Variants in GTF3C1 observed in about 807,000 individuals in gnomAD.
The protein encoded by GTF3C1 is general transcription factor 3C polypeptide 1.
In GTF3C1, 57 loss-of-function variants were observed where a neutral mutation model predicts 226.7. The observed-to-expected ratio is 0.25, with a 90% CI of 0.20 to 0.31. The LOEUF (loss-of-function observed/expected upper bound fraction) is 0.31, where lower values mean the gene tolerates loss of function less well. Ranked by LOEUF, GTF3C1 falls within the 10% of genes least tolerant of loss-of-function variation. GTF3C1 has a pLI of 1.00. For missense variants in GTF3C1, 2,217 were observed against 2,776.1 expected (o/e 0.80, Z 4.53); for synonymous variants, 1,090 against 1,084.8 (o/e 1.00, Z -0.09).
intron 28 of GTF3C1, among the ~76,000 whole-genome samples, chr16:27,477,668 A>G (rs1221557069): frequency 6.6e-6 from 1 of 152,238 alleles, no homozygotes; most frequent in Non-Finnish European, 1.5e-5. Context: ...AGTATATAAC[A>G]TATGTAAGAT....
intron 6 of GTF3C1, among the ~76,000 whole-genome samples, chr16:27,517,192 C>G (rs991137913): frequency 6.6e-6 from 1 of 152,156 alleles, no homozygotes; most frequent in Admixed American, 6.5e-5. Context: ...CCTTGTGATT[C>G]CAAGGGACCA....
Position 27,486,071 on chromosome 16 carries a change from G to T in GTF3C1, c.3784C>A (p.Arg1262Ser). 6.2e-7 allele frequency: 1 copy of T among 1,610,442 alleles called. No homozygotes were observed. The highest frequency in any genetic ancestry group is 8.5e-7 in the Non-Finnish European group (1 of 1,176,778). ...QSALQRMTRLRVTWSMQEDGL... is the reference protein window; with the variant it reads ...QSALQRMTRLSVTWSMQEDGL... ...TCCTCCTGCATAGACCAGGTGACAC[G>T]AAGCCGCGTCATCCGCTGCAGGGCA... Residue 1262 changes from arginine (R) to serine (S), a missense_variant, in exon 24 of 37, where the codon CGT (arginine) becomes AGT (serine). This residue lies in a region of GTF3C1 where 546 missense variants were observed against 663.0 expected (regional missense o/e 0.82). Transcript: ENST00000356183.
intron 14 of GTF3C1, among the ~76,000 whole-genome samples, chr16:27,496,625 C>T (rs762417249): frequency 2.0e-5 from 3 of 152,172 alleles, no homozygotes; most frequent in Admixed American, 2.0e-4. Context: ...AGAATGGTCT[C>T]GATCTCCTGA....
At position 27,495,201 on chromosome 16, in the gene GTF3C1, G is replaced by A. The variant is rs916654366; in HGVS notation, c.2632+10C>T. Reference sequence around the variant, plus strand: ...CCGCCCCAGGTGCAGGAGTGGCAGGGGCCTCTCACCTGTCTCCGTGGCAAG... The same window carrying A: ...CCGCCCCAGGTGCAGGAGTGGCAGGAGCCTCTCACCTGTCTCCGTGGCAAG... On this transcript the variant is annotated intron_variant, in intron 15 of 36. Transcript: ENST00000356183. 1.9e-6 allele frequency: 3 copies of A among 1,597,494 alleles called. No individual in the cohort carries two copies. Among genetic ancestry groups the A allele is most frequent in the Non-Finnish European group, 2.6e-6 (3 of 1,167,452 alleles).
chr16:27,493,713 T>A (rs1217311909), intron 16 of GTF3C1, among the ~76,000 whole-genome samples: 1 of 152,198 alleles, frequency 6.6e-6, no homozygotes, highest in East Asian at 1.9e-4. Flanking sequence ...CCAAAAGGTA[T>A]TCATCAACAT....
At chr16:27,514,306 C>T (rs998622214) in intron 6 of GTF3C1, among the ~76,000 whole-genome samples, 2 of 152,202 alleles carry the variant, frequency 1.3e-5, no homozygotes, top group Non-Finnish European at 2.9e-5. Context: ...AGGCCCCTGC[C>T]CTGCCCTCTC....
At chr16:27,538,748 A>G (rs973874145) in intron 2 of GTF3C1, among the ~76,000 whole-genome samples, 3 of 152,054 alleles carry the variant, frequency 2.0e-5, no homozygotes, top group African/African-American at 7.2e-5. Flanking sequence ...TCCTGTTCCT[A>G]AGACAAGCCT....
chr16:27,534,294 C>G (rs571288836), intron 4 of GTF3C1, among the ~76,000 whole-genome samples: 1 of 152,184 alleles, frequency 6.6e-6, no homozygotes, highest in Non-Finnish European at 1.5e-5. Context: ...ACATTGAGGG[C>G]CCTTGACTGT....
In GTF3C1 at chr16:27,469,520, G is replaced by A. The variant is rs1187875615; in HGVS notation, c.4845C>T (p.Asp1615=). 21 of 1,612,624 alleles carry A rather than the reference G, an allele frequency of 1.3e-5. No individual in the cohort carries two copies. Among genetic ancestry groups the A allele is most frequent in the Non-Finnish European group, 1.8e-5 (21 of 1,178,738 alleles). The change falls in exon 32 of 37, where the codon GAC becomes GAT. Residue 1615 remains aspartate (D), a synonymous_variant. Coordinates refer to ENST00000356183, the MANE Select transcript of GTF3C1 (RefSeq NM_001520.4). This position sits in a 1 kb window ranked among gnomAD's most constrained non-coding sequence, Gnocchi z 4.5. The part of the protein sequence containing the change: ...SLGKDGSLED[D]EDEEDDLDEG... ...CGTCCAAGTCATCCTCTTCATCCTC[G>A]TCATCCTCCAGGCTGCCGTCCTTCC... is the stretch of plus-strand genomic sequence containing the variant.
At chr16:27,491,584 G>C (rs1379772283) in intron 19 of GTF3C1, among the ~76,000 whole-genome samples, 2 of 152,208 alleles carry the variant, frequency 1.3e-5, no homozygotes, top group African/African-American at 4.8e-5. Context: ...TGAGAAGCCA[G>C]TGTGGGAGGG....
intron 20 of GTF3C1, among the ~76,000 whole-genome samples, 192 bp downstream of exon 20, chr16:27,489,410 C>T (rs937394663): frequency 6.6e-6 from 1 of 152,252 alleles, no homozygotes; most frequent in Non-Finnish European, 1.5e-5. Context: ...TAAATTTTGA[C>T]AACCGATTAC....
intron 2 of GTF3C1, among the ~76,000 whole-genome samples, chr16:27,543,651 G>C (rs1446083479): frequency 6.6e-6 from 1 of 152,126 alleles, no homozygotes; most frequent in Non-Finnish European, 1.5e-5. Flanking sequence ...TCCTGCCTTG[G>C]CCTCCCAAAG....
rs563464647 is a variant in GTF3C1 at position 27,484,859 on chromosome 16, G to A, written c.3859-506C>T. On this transcript the variant is annotated intron_variant, in intron 24 of 36. Coordinates refer to ENST00000356183, the MANE Select transcript of GTF3C1 (RefSeq NM_001520.4). ...GGCCGACATGAGAAAGCCGCTTGAC[G>A]AGTTATTTTCTTACATCCCCAAGGA... Among the ~76,000 whole-genome samples, 11 of 152,352 alleles carry A rather than the reference G, an allele frequency of 7.2e-5. No homozygotes were observed. The South Asian group carries it at 1.2e-3, about 17-fold the overall frequency.
chr16:27,467,512 C>T (rs986025901), intron 32 of GTF3C1, among the ~76,000 whole-genome samples: 1 of 152,244 alleles, frequency 6.6e-6, no homozygotes, highest in African/African-American at 2.4e-5. Flanking sequence ...CCTGCTAACA[C>T]AACATCCATT....
At position 27,489,812 on chromosome 16, in the gene GTF3C1, G is replaced by T; in HGVS notation, c.3152-69C>A. 7.3e-6 allele frequency: 11 copies of T among 1,509,494 alleles called. No individual in the cohort carries two copies. The South Asian group carries it at 1.2e-4, about 16-fold the overall frequency. 93.5% of individuals were successfully genotyped at this position (1,509,494 alleles called of 1,614,324 possible). A position where few individuals can be genotyped will look rare whatever the true frequency, so the allele number is the denominator to read the frequency against. The stretch of plus-strand genomic sequence containing the variant: ...GCAGCTCTGGTGGCTACTACCTCTG[G>T]CTGGGTGGGGAAGAAGAGTGGATTC... On this transcript the variant is annotated intron_variant, in intron 19 of 36. Coordinates refer to ENST00000356183, the MANE Select transcript of GTF3C1 (RefSeq NM_001520.4).
chr16:27,525,559 G>A (rs2088820073), intron 6 of GTF3C1, among the ~76,000 whole-genome samples: 1 of 152,214 alleles, frequency 6.6e-6, no homozygotes, highest in South Asian at 2.1e-4. Context: ...AGCCAGACAG[G>A]TGGCCAGTGC....
chr16:27,476,169 A>G (rs2087947168), intron 29 of GTF3C1, among the ~76,000 whole-genome samples: 1 of 152,214 alleles, frequency 6.6e-6, no homozygotes, highest in Non-Finnish European at 1.5e-5. Context: ...AAAAGGTACT[A>G]TGTGGGGTGA....
intron 6 of GTF3C1, among the ~76,000 whole-genome samples, chr16:27,517,754 G>A (rs1208229830): frequency 6.6e-6 from 1 of 152,126 alleles, no homozygotes; most frequent in East Asian, 1.9e-4. Context: ...CATTGTGTTC[G>A]GTGTTTTCGG....
rs1260673938 is a variant in GTF3C1 at position 27,506,848 on chromosome 16, C to T, written c.1551G>A (p.Lys517=). The stretch of plus-strand genomic sequence containing the variant: ...CTGCCCACCCCACGTGCTCCCTACC[C>T]TTGGTTGGGGTGGAGTGATGAGGCT... ...KTQPHHSTPT[K]GGWKVVNLHP... Residue 517 remains lysine (K), a splice_region_variant and synonymous_variant, in exon 9 of 37, where the codon AAG becomes AAA. Transcript: ENST00000356183. The T allele has an allele frequency of 1.2e-6, 2 of 1,603,244 alleles. No homozygotes were observed. Among genetic ancestry groups the T allele is most frequent in the South Asian group, 2.2e-5 (2 of 89,964 alleles).
Sources: gnomAD v4.1 joint callset for allele counts (sites outside exome capture counted in the v4.1 genomes callset) on GRCh38, gnomAD v4.1.1 for gene constraint, gnomAD v4.1.1 regional missense constraint, Gnocchi (gnomAD v3.1) non-coding constraint, MANE v1.5 for transcripts, NCBI Gene and HGNC (gene_info 2026-07-23, HGNC 2026-07-21) for gene names.